Variants in AEN observed in about 807,000 individuals in gnomAD.
The protein encoded by AEN is apoptosis-enhancing nuclease.
AEN carries 21 observed loss-of-function variants against 17.7 expected under a neutral mutation model. That is an observed-to-expected ratio of 1.19 (90% CI 0.84 to 1.71). The LOEUF is 1.71. Among genes scored for constraint, AEN ranks in the 40% most tolerant of loss-of-function variants. The pLI, the probability that AEN is intolerant of heterozygous loss-of-function variation, is 0.00. For synonymous variants in AEN, 190 were observed against 173.0 expected, an observed-to-expected ratio of 1.10 and a Z score of -0.77; for missense variants, 462 against 435.9, an observed-to-expected ratio of 1.06 and a Z score of -0.53.
intron 2 of AEN, chr15:88,627,719 A>G (rs539220737): frequency 8.5e-5 from 13 of 152,322 alleles, no homozygotes; most frequent in African/African-American, 3.1e-4. Context: ...GGCTGTGTGC[A>G]TATTGTGTAT....
At chr15:88,605,379 A>G in the AEN span, among the ~76,000 whole-genome samples, 1 of 152,074 alleles carries the variant, frequency 6.6e-6, no homozygotes, top group Non-Finnish European at 1.5e-5. The surrounding 1 kb of genome is among the most constrained non-coding windows in gnomAD (Gnocchi z 7.6). Context: ...CCCTGATTCT[A>G]GATGCAGCTG....
the AEN span, among the ~76,000 whole-genome samples, chr15:88,615,751 C>T: frequency 1.2e-4 from 19 of 152,222 alleles, no homozygotes; most frequent in East Asian, 2.1e-3. Context: ...TGCTGCTGGG[C>T]TAGGACGACA....
chr15:88,630,780 C>G lies in AEN; in HGVS notation c.*486C>G. ...AAAGTTCTCTTCCTTTTGTTGCCTA[C>G]CTCTTCCTCCACTCATTTGGGTTCA... On this transcript the variant is annotated 3_prime_UTR_variant, in exon 4 of 4. Coordinates refer to ENST00000332810, the MANE Select transcript of AEN (RefSeq NM_022767.4). The surrounding 1 kb of genome is among the most constrained non-coding windows in gnomAD (Gnocchi z 5.1). 4.5e-6 allele frequency: 1 copy of G among 220,030 alleles called. No individual in the cohort carries two copies. Among genetic ancestry groups the G allele is most frequent in the Non-Finnish European group, 9.5e-6 (1 of 105,586 alleles). 13.6% of individuals were successfully genotyped at this position (220,030 alleles called of 1,614,324 possible).
rs369860978 is a variant in AEN, at chr15:88,626,325, G to A, written c.116G>A (p.Arg39Gln). ...RHKRRSRQHQ[R>Q]FMARKALLQE... The stretch of plus-strand genomic sequence containing the variant: ...AAGAGAAGGAGCCGACAGCACCAGC[G>A]GTTCATGGCCCGGAAGGCCTTGCTG... Residue 39 changes from arginine to glutamine, a missense_variant, in exon 2 of 4, where the codon CGG becomes CAG. Transcript: ENST00000332810. The A allele has an allele frequency of 8.9e-5, 144 of 1,613,550 alleles. No individual in the cohort carries two copies. The highest frequency in any genetic ancestry group is 1.1e-4 in the Non-Finnish European group (132 of 1,179,950).
At chr15:88,623,240 G>A (rs756009629) in intron 1 of AEN, among the ~76,000 whole-genome samples, 1 of 152,194 alleles carries the variant, frequency 6.6e-6, no homozygotes, top group Non-Finnish European at 1.5e-5. Context: ...TTAAAAGAGA[G>A]ACCTTTTCTC....
At chr15:88,623,811 C>T (rs1029651742) in intron 1 of AEN, among the ~76,000 whole-genome samples, 1 of 152,196 alleles carries the variant, frequency 6.6e-6, no homozygotes, top group African/African-American at 2.4e-5. Flanking sequence ...GGAAGGGCCA[C>T]CAGAGTAGGA....
upstream of AEN, among the ~76,000 whole-genome samples, chr15:88,616,642 A>G (rs1438740798): frequency 6.6e-6 from 1 of 152,198 alleles, no homozygotes; most frequent in Non-Finnish European, 1.5e-5. Context: ...TTTTATGATA[A>G]ATGTAAGTAT....
the AEN span, chr15:88,608,084 A>G: frequency 9.6e-6 from 5 of 520,166 alleles, no homozygotes; most frequent in Non-Finnish European, 2.0e-5. Flanking sequence ...GTCTACTTTC[A>G]AGAAGATAAC....
At chr15:88,618,820 G>A (rs572097762), upstream of AEN, among the ~76,000 whole-genome samples, 1 of 152,116 alleles carries the variant, frequency 6.6e-6, no homozygotes, top group South Asian at 2.1e-4. Flanking sequence ...TTTGTTTACT[G>A]GAGACAGGGT....
chr15:88,630,436 T>G lies in AEN; in HGVS notation c.*142T>G, dbSNP rs1000355738. 3.1e-5 allele frequency: 22 copies of G among 704,724 alleles called. No individual in the cohort carries two copies. The highest frequency in any genetic ancestry group is 5.3e-5 in the Non-Finnish European group (22 of 414,390). The allele number at this position is 704,724 out of a possible 1,614,324, so 43.7% of individuals were successfully genotyped here. On this transcript the variant is annotated 3_prime_UTR_variant, in exon 4 of 4. Transcript: ENST00000332810. This position sits in a 1 kb window ranked among gnomAD's most constrained non-coding sequence, Gnocchi z 5.1. Reference sequence around the variant, plus strand: ...CAGGGCCAGAGGAGTAGGGGTCATCTGTTACCTTGACACCCTCTGCACACA... The same window carrying G: ...CAGGGCCAGAGGAGTAGGGGTCATCGGTTACCTTGACACCCTCTGCACACA...
In AEN at chr15:88,631,478, C is replaced by G; in HGVS notation, c.*1184C>G. On this transcript the variant is annotated 3_prime_UTR_variant, in exon 4 of 4. Transcript: ENST00000332810. The stretch of plus-strand genomic sequence containing the variant: ...AGCCCCATCTTTGCTTGCAGCTTAG[C>G]TTTGAGATACTAAGCAAGCGAGGGA... The G allele has an allele frequency of 4.4e-6, 1 of 228,674 alleles. No homozygotes were observed. Among genetic ancestry groups the G allele is most frequent in the South Asian group, 5.8e-5 (1 of 17,284 alleles). 14.2% of individuals were successfully genotyped at this position (228,674 alleles called of 1,614,324 possible). A position where few individuals can be genotyped will look rare whatever the true frequency, so the allele number is the denominator to read the frequency against.
At chr15:88,613,617 G>A in the AEN span, among the ~76,000 whole-genome samples, 2 of 151,716 alleles carry the variant, frequency 1.3e-5, no homozygotes, top group Non-Finnish European at 2.9e-5. Flanking sequence ...TTCCTGATTT[G>A]AGGGATGGAT....
the AEN span, among the ~76,000 whole-genome samples, chr15:88,613,972 A>G: frequency 2.0e-5 from 3 of 152,126 alleles, no homozygotes; most frequent in Admixed American, 2.0e-4. Flanking sequence ...GGAAACCACC[A>G]TCTTTCTATT....
upstream of AEN, among the ~76,000 whole-genome samples, chr15:88,617,103 T>C (rs2057744589): frequency 6.6e-6 from 1 of 152,214 alleles, no homozygotes. Flanking sequence ...TTATTTATTT[T>C]TTGTAGAGGT....
At chr15:88,615,564 A>C in the AEN span, among the ~76,000 whole-genome samples, 2 of 152,140 alleles carry the variant, frequency 1.3e-5, no homozygotes, top group African/African-American at 4.8e-5. Context: ...AATGGATCCT[A>C]AACTTCGGCA....
At chr15:88,622,217 G>A (rs1172296957) in intron 1 of AEN, among the ~76,000 whole-genome samples, 1 of 152,184 alleles carries the variant, frequency 6.6e-6, no homozygotes, top group Non-Finnish European at 1.5e-5. Flanking sequence ...CCTGCCTGAA[G>A]GCCGGGTGTC....
At chr15:88,612,878 G>A in the AEN span, among the ~76,000 whole-genome samples, 2 of 152,172 alleles carry the variant, frequency 1.3e-5, no homozygotes, top group African/African-American at 4.8e-5. Flanking sequence ...TGGGAGTATA[G>A]GCATCAGCCA....
At chr15:88,619,632 G>A (rs950400188), upstream of AEN, among the ~76,000 whole-genome samples, 8 of 152,158 alleles carry the variant, frequency 5.3e-5, no homozygotes, top group African/African-American at 1.7e-4. Context: ...ATGTTGCAGT[G>A]AGCCGAGATT....
At chr15:88,626,045 C>G (rs12440303) in intron 1 of AEN, 101 bp from the exon 2 acceptor site, 578,930 of 767,494 alleles carry the variant, frequency 0.75, 226,095 homozygotes, top group Non-Finnish European at 0.81. Flanking sequence ...GCAGGGCTCT[C>G]GGGCATCCCC....
Sources: gnomAD v4.1 joint callset for allele counts (sites outside exome capture counted in the v4.1 genomes callset) on GRCh38, gnomAD v4.1.1 for gene constraint, Gnocchi (gnomAD v3.1) non-coding constraint, MANE v1.5 for transcripts, NCBI Gene and HGNC (gene_info 2026-07-23, HGNC 2026-07-21) for gene names.